The following DACH1 variants were observed in gnomAD, a reference collection of about 807,000 sequenced individuals.
DACH1 encodes dachshund homolog 1.
DACH1 carries 12 observed loss-of-function variants against 54.2 expected under a neutral mutation model. The ratio of observed to expected loss-of-function variants is 0.22; its 90% confidence interval spans 0.14 to 0.36. DACH1 has a LOEUF of 0.36. Ranked by LOEUF, DACH1 falls within the 10% of genes least tolerant of loss-of-function variation. The pLI, the probability that DACH1 is intolerant of heterozygous loss-of-function variation, is 1.00. For missense variants in DACH1, 805 were observed against 929.8 expected (o/e 0.87, Z 1.75); for synonymous variants, 386 against 366.2 (o/e 1.05, Z -0.62).
chr13:71,718,906 TAA>T (rs1368900523), intron 1 of DACH1, among the ~76,000 whole-genome samples: 3 of 152,224 alleles, frequency 2.0e-5, no homozygotes, highest in Non-Finnish European at 4.4e-5. Flanking sequence ...TTCCCATTTA[TAA>T]ACCATCCTAC....
At chr13:71,783,689 A>AAATATTT (rs1353903418) in intron 1 of DACH1, among the ~76,000 whole-genome samples, 2 of 152,096 alleles carry the variant, frequency 1.3e-5, no homozygotes, top group Non-Finnish European at 2.9e-5. Context: ...GGAGTGATTG[A>AAATATTT]AATTTAAATA....
intron 1 of DACH1, among the ~76,000 whole-genome samples, chr13:71,718,325 G>A (rs903187535): frequency 1.3e-5 from 2 of 151,890 alleles, no homozygotes; most frequent in African/African-American, 4.8e-5. Context: ...TGGCTCACAC[G>A]TGCAATCCCA....
intron 1 of DACH1, among the ~76,000 whole-genome samples, chr13:71,777,745 C>A (rs184184268): frequency 6.6e-6 from 1 of 151,984 alleles, no homozygotes; most frequent in South Asian, 2.1e-4. Context: ...CTTTGTCAGA[C>A]GTTTAATTTT....
intron 7 of DACH1, among the ~76,000 whole-genome samples, chr13:71,485,117 G>T (rs930566189): frequency 6.6e-6 from 1 of 151,330 alleles, no homozygotes; most frequent in Non-Finnish European, 1.5e-5. Flanking sequence ...ATGTTCTAAT[G>T]GTAGCTCATG....
At chr13:71,496,001 G>A (rs1265973419) in intron 6 of DACH1, among the ~76,000 whole-genome samples, 5 of 151,914 alleles carry the variant, frequency 3.3e-5, no homozygotes, top group African/African-American at 9.7e-5. Context: ...GGGAGTCCCA[G>A]GCAGGTGGAT....
At chr13:71,862,930 G>C (rs981569421) in intron 1 of DACH1, among the ~76,000 whole-genome samples, 1 of 151,870 alleles carries the variant, frequency 6.6e-6, no homozygotes, top group Non-Finnish European at 1.5e-5. Context: ...CACATATATG[G>C]GTGTATAGAT....
intron 1 of DACH1, among the ~76,000 whole-genome samples, chr13:71,739,046 A>G (rs1311023699): frequency 6.6e-6 from 1 of 152,018 alleles, no homozygotes; most frequent in Non-Finnish European, 1.5e-5. Flanking sequence ...TGAGGTCAGG[A>G]GTTCAAGACC....
intron 3 of DACH1, among the ~76,000 whole-genome samples, chr13:71,617,062 T>C (rs1405372800): frequency 6.6e-6 from 1 of 151,830 alleles, no homozygotes; most frequent in African/African-American, 2.4e-5. Context: ...AGAGACAGGG[T>C]TTCACCATGC....
intron 10 of DACH1, among the ~76,000 whole-genome samples, chr13:71,463,684 A>G (rs1453902198): frequency 1.3e-5 from 2 of 152,030 alleles, no homozygotes; most frequent in African/African-American, 4.8e-5. Context: ...TAATGCCTGT[A>G]AAAAAGTTGT....
chr13:71,568,487 A>T (rs1249296454), intron 4 of DACH1, among the ~76,000 whole-genome samples: 1 of 152,090 alleles, frequency 6.6e-6, no homozygotes, highest in Non-Finnish European at 1.5e-5. Context: ...GGCCTAGAAA[A>T]CAGAAACACT....
intron 1 of DACH1, among the ~76,000 whole-genome samples, chr13:71,785,624 C>T (rs949568811): frequency 3.9e-5 from 6 of 152,146 alleles, no homozygotes; most frequent in African/African-American, 1.2e-4. Flanking sequence ...TTCAATATAG[C>T]TGAAAAGACT....
intron 1 of DACH1, among the ~76,000 whole-genome samples, chr13:71,702,822 C>G (rs948819627): frequency 3.9e-5 from 6 of 152,036 alleles, no homozygotes; most frequent in Non-Finnish European, 7.4e-5. Context: ...AATCAATTCA[C>G]AAGAATTTTG....
chr13:71,717,323 G>A (rs1196485134), intron 1 of DACH1, among the ~76,000 whole-genome samples: 1 of 151,998 alleles, frequency 6.6e-6, no homozygotes, highest in African/African-American at 2.4e-5. Context: ...TTATCTCACT[G>A]TACCAGTAAG....
At chr13:71,673,142 G>C (rs913132555) in intron 2 of DACH1, among the ~76,000 whole-genome samples, 4 of 152,114 alleles carry the variant, frequency 2.6e-5, no homozygotes, top group African/African-American at 9.7e-5. Context: ...AGGGAAGAAA[G>C]TATGGTAATT....
intron 7 of DACH1, among the ~76,000 whole-genome samples, chr13:71,486,687 T>G (rs1012597071): frequency 5.3e-5 from 8 of 152,170 alleles, no homozygotes; most frequent in Non-Finnish European, 1.2e-4. Flanking sequence ...TGTACATGCA[T>G]GTATAAATAT....
chr13:71,467,348 G>T (rs1876674381), intron 10 of DACH1, among the ~76,000 whole-genome samples: 1 of 114,818 alleles, frequency 8.7e-6, no homozygotes, highest in African/African-American at 3.3e-5. Context: ...GGGGACTGTT[G>T]TGGGGTGGGG....
intron 6 of DACH1, among the ~76,000 whole-genome samples, chr13:71,543,130 A>G (rs2138336927): frequency 6.6e-6 from 1 of 152,244 alleles, no homozygotes; most frequent in African/African-American, 2.4e-5. Flanking sequence ...GGAAACAACA[A>G]GGTCTGTGTT....
chr13:71,794,589 C>T (rs955385691), intron 1 of DACH1, among the ~76,000 whole-genome samples: 5 of 152,100 alleles, frequency 3.3e-5, no homozygotes, highest in Non-Finnish European at 1.5e-5. Flanking sequence ...AGGTGCGTGC[C>T]ACCATGCTCG....
intron 1 of DACH1, among the ~76,000 whole-genome samples, chr13:71,746,952 A>G (rs938135444): frequency 6.6e-6 from 1 of 152,166 alleles, no homozygotes; most frequent in Non-Finnish European, 1.5e-5. Flanking sequence ...ATTAACACAT[A>G]TGTATATGTA....
Sources: allele counts gnomAD v4.1 joint callset (sites outside exome capture counted in the v4.1 genomes callset), GRCh38; gene constraint gnomAD v4.1.1; transcripts MANE v1.5; gene names NCBI Gene and HGNC (gene_info 2026-07-23, HGNC 2026-07-21).